The following FHIT variants were observed in gnomAD, a reference collection of about 807,000 sequenced individuals.
FHIT encodes fragile histidine triad diadenosine triphosphatase.
In FHIT, 19 loss-of-function variants were observed where a neutral mutation model predicts 17.9. The observed-to-expected ratio is 1.06, with a 90% confidence interval of 0.74 to 1.56. The LOEUF (loss-of-function observed/expected upper bound fraction) is 1.56. Ranked by LOEUF, FHIT falls within the 40% of genes most tolerant of loss-of-function variation. FHIT has a pLI of 0.00. For missense variants in FHIT, 248 were observed against 189.2 expected, an observed-to-expected ratio of 1.31 and a Z score of -1.82; for synonymous variants, 81 against 69.7, an observed-to-expected ratio of 1.16 and a Z score of -0.81.
chr3:61,068,611 A>G (rs796481831), intron 2 of FHIT, among the ~76,000 whole-genome samples: 17 of 152,280 alleles, frequency 1.1e-4, no homozygotes, highest in African/African-American at 3.6e-4. Flanking sequence ...TTTGCCAGGT[A>G]AGATAGTATA....
chr3:60,508,684 T>C (rs1251251364), intron 5 of FHIT, among the ~76,000 whole-genome samples: 1 of 152,198 alleles, frequency 6.6e-6, no homozygotes, highest in Non-Finnish European at 1.5e-5. Context: ...GCTTGAATTC[T>C]ATTCCTTCTA....
In FHIT at chr3:60,647,417, T is replaced by A. The variant is rs147115698; in HGVS notation, c.-17-110438A>T. Among the ~76,000 whole-genome samples the A allele has an allele frequency of 2.3e-3, 348 of 152,210 alleles. 2 individuals carry two copies. Among genetic ancestry groups the A allele is most frequent in the African/African-American group, 8.1e-3 (337 of 41,530 alleles). On this transcript the variant is annotated intron_variant, in intron 4 of 9. Transcript: ENST00000492590. ...AGATAAGGAAATCATGTTGCAAATG[T>A]GAGAAGTGAGATTTAGAGAGGTGAA...
chr3:59,868,712 C>G (rs566305006), intron 8 of FHIT, among the ~76,000 whole-genome samples: 1 of 152,144 alleles, frequency 6.6e-6, no homozygotes, highest in African/African-American at 2.4e-5. Flanking sequence ...ATTTGCTTCT[C>G]TGGGTATTGG....
chr3:60,965,087 T>A (rs1352283017), intron 3 of FHIT, among the ~76,000 whole-genome samples: 4 of 152,174 alleles, frequency 2.6e-5, no homozygotes, highest in Non-Finnish European at 5.9e-5. Flanking sequence ...GTAGATTTGG[T>A]CTTTTCACAT....
intron 4 of FHIT, among the ~76,000 whole-genome samples, chr3:60,589,711 A>G (rs2038020223): frequency 6.6e-6 from 1 of 152,090 alleles, no homozygotes; most frequent in African/African-American, 2.4e-5. Context: ...GTAGCAATTT[A>G]AACTTCTATT....
intron 5 of FHIT, among the ~76,000 whole-genome samples, chr3:60,196,346 C>G (rs899375135): frequency 6.6e-6 from 1 of 152,098 alleles, no homozygotes; most frequent in Non-Finnish European, 1.5e-5. Context: ...CCAGCAACAT[C>G]AGGTCAAGTC....
chr3:61,005,002 G>A (rs2031346121), intron 3 of FHIT, among the ~76,000 whole-genome samples: 1 of 152,112 alleles, frequency 6.6e-6, no homozygotes, highest in Non-Finnish European at 1.5e-5. Flanking sequence ...CCACATGAGA[G>A]GTACAGCAGA....
intron 4 of FHIT, among the ~76,000 whole-genome samples, chr3:60,557,069 C>T (rs2036766086): frequency 6.6e-6 from 1 of 152,184 alleles, no homozygotes; most frequent in South Asian, 2.1e-4. Context: ...AGCTAATATT[C>T]CTGTAGCCCT....
chr3:59,885,551 G>A (rs979821313), intron 8 of FHIT, among the ~76,000 whole-genome samples: 49 of 151,670 alleles, frequency 3.2e-4, no homozygotes, highest in African/African-American at 1.1e-3. Context: ...ATTGGATTTC[G>A]GTTTAGTAGA....
chr3:60,657,349 T>C (rs1467571051), intron 4 of FHIT, among the ~76,000 whole-genome samples: 1 of 152,246 alleles, frequency 6.6e-6, no homozygotes, highest in East Asian at 1.9e-4. Context: ...AGCGAAGACT[T>C]TTCCTGCCCA....
At chr3:60,561,748 G>C (rs2036955653) in intron 4 of FHIT, among the ~76,000 whole-genome samples, 1 of 152,190 alleles carries the variant, frequency 6.6e-6, no homozygotes, top group African/African-American at 2.4e-5. Flanking sequence ...TGTGTCAGTA[G>C]ACAACAGCTT....
At chr3:61,145,873 T>C (rs901638626) in intron 2 of FHIT, among the ~76,000 whole-genome samples, 1 of 152,074 alleles carries the variant, frequency 6.6e-6, no homozygotes, top group Non-Finnish European at 1.5e-5. Flanking sequence ...CTTGCCACAT[T>C]GCTGAACTCG....
At chr3:60,708,033 T>C (rs1373811843) in intron 4 of FHIT, among the ~76,000 whole-genome samples, 1 of 152,244 alleles carries the variant, frequency 6.6e-6, no homozygotes, top group Non-Finnish European at 1.5e-5. Context: ...TTATAAATAA[T>C]GCTCCAGTGA....
chr3:60,370,039 C>A (rs1355740120), intron 5 of FHIT, among the ~76,000 whole-genome samples: 4 of 152,134 alleles, frequency 2.6e-5, no homozygotes, highest in African/African-American at 9.7e-5. Context: ...ACAAAAGTAT[C>A]CGCTATAGGA....
chr3:60,085,172 A>G (rs1703443909), intron 5 of FHIT, among the ~76,000 whole-genome samples: 1 of 152,172 alleles, frequency 6.6e-6, no homozygotes, highest in South Asian at 2.1e-4. Context: ...AGATTTTACA[A>G]TGTATTAACT....
At chr3:60,256,237 G>A (rs1316981411) in intron 5 of FHIT, among the ~76,000 whole-genome samples, 1 of 152,096 alleles carries the variant, frequency 6.6e-6, no homozygotes, top group Non-Finnish European at 1.5e-5. Context: ...TTTAAGAACT[G>A]GTGCCTCTTC....
chr3:60,402,471 C>G (rs1701701736), intron 5 of FHIT, among the ~76,000 whole-genome samples: 1 of 152,174 alleles, frequency 6.6e-6, no homozygotes, highest in African/African-American at 2.4e-5. Context: ...TCAGACCTGG[C>G]AGATAGTGTC....
Position 60,898,381 on chromosome 3 carries a change from G to A in FHIT, c.-110-76370C>T, listed in dbSNP as rs540918480. On this transcript the variant is annotated intron_variant, in intron 3 of 9. Coordinates refer to ENST00000492590, the MANE Select transcript of FHIT (RefSeq NM_002012.4). ...TTCTTTAAGATAAATACCTAAATGT[G>A]GAATTGCAGGATTAAATAGTACACA... 6.6e-5 allele frequency among the ~76,000 whole-genome samples: 10 copies of A among 152,234 alleles called. No individual in the cohort carries two copies. In the South Asian group the frequency reaches 2.1e-3, roughly 32 times the overall value.
At chr3:60,122,640 G>A (rs139573839) in intron 5 of FHIT, among the ~76,000 whole-genome samples, 1 of 152,222 alleles carries the variant, frequency 6.6e-6, no homozygotes, top group East Asian at 1.9e-4. Flanking sequence ...TAGACACTCA[G>A]AGCCTCAGAG....
Sources: gnomAD v4.1 joint callset for allele counts (sites outside exome capture counted in the v4.1 genomes callset) on GRCh38, gnomAD v4.1.1 for gene constraint, MANE v1.5 for transcripts, NCBI Gene and HGNC (gene_info 2026-07-23, HGNC 2026-07-21) for gene names.